SATB2: variants seen among roughly 807,000 people sequenced by gnomAD.
SATB2 encodes the protein DNA-binding protein SATB2.
Under a neutral mutation model 73.4 loss-of-function variants are expected in SATB2, and 1 was observed. That is an observed-to-expected ratio of 0.01 (90% CI 0.00 to 0.06). The LOEUF (loss-of-function observed/expected upper bound fraction) is 0.06. Among genes scored for constraint, SATB2 ranks in the 10% least tolerant of loss-of-function variants. The pLI, the probability that SATB2 is intolerant of heterozygous loss-of-function variation, is 1.00. For missense variants in SATB2, 459 were observed against 945.8 expected (o/e 0.49, Z 6.75); for synonymous variants, 397 against 367.0 (o/e 1.08, Z -0.93).
chr2:199,351,044 A>G (rs1475488886), intron 6 of SATB2, among the ~76,000 whole-genome samples: 2 of 151,638 alleles, frequency 1.3e-5, no homozygotes, highest in African/African-American at 2.4e-5. Flanking sequence ...AAAAAAAAAA[A>G]AAAAGAAAAC....
intron 7 of SATB2, 111 bp from the exon 8 acceptor site, chr2:199,329,021 T>G (rs1688113191): frequency 3.7e-6 from 3 of 803,702 alleles, no homozygotes. Flanking sequence ...CTCGCTGTGA[T>G]GTCAAGAACC....
At chr2:199,351,161 C>CTTTTT (rs781572792) in intron 6 of SATB2, among the ~76,000 whole-genome samples, 1 of 131,640 alleles carries the variant, frequency 7.6e-6, no homozygotes, top group African/African-American at 2.7e-5. Context: ...TGTTTGCTTG[C>CTTTTT]TTTTTTTTTT....
In SATB2 at chr2:199,271,081, T is replaced by C. The variant is rs1285809612; in HGVS notation, c.*1130A>G. 1 of 152,512 alleles carries C rather than the reference T, an allele frequency of 6.6e-6. No homozygotes were observed. Among genetic ancestry groups the C allele is most frequent in the Non-Finnish European group, 1.5e-5 (1 of 68,034 alleles). 9.4% of individuals were successfully genotyped at this position (152,512 alleles called of 1,614,324 possible). A position where few individuals can be genotyped will look rare whatever the true frequency, so the allele number is the denominator to read the frequency against. ...CTTCTTTTCTAACTTAATATTACAC[T>C]GAACTATTTTCTAGTAAAAAACAAA... On this transcript the variant is annotated 3_prime_UTR_variant, in exon 11 of 11. Coordinates refer to ENST00000417098, the MANE Select transcript of SATB2 (RefSeq NM_001172509.2).
chr2:199,458,753 C>A (rs1252490455), upstream of SATB2: 2 of 418,494 alleles, frequency 4.8e-6, no homozygotes, highest in Admixed American at 5.2e-5. Context: ...TCGCCTCCCC[C>A]ACCCACCGCC....
chr2:199,388,669 C>T (rs947490559), intron 3 of SATB2, among the ~76,000 whole-genome samples: 10 of 151,800 alleles, frequency 6.6e-5, no homozygotes, highest in Non-Finnish European at 1.3e-4. Flanking sequence ...GAAAACTCAA[C>T]CTGAGAAAAA....
At chr2:199,446,879 T>TGTCACCTCAGGAAG (rs1217553572) in intron 2 of SATB2, among the ~76,000 whole-genome samples, 2 of 152,224 alleles carry the variant, frequency 1.3e-5, no homozygotes, top group Non-Finnish European at 2.9e-5. Flanking sequence ...TCTTTCATTT[T>TGTCACCTCAGGAAG]GTCACCTCAG....
chr2:199,451,383 G>T (rs1473180103), intron 2 of SATB2, among the ~76,000 whole-genome samples: 8 of 150,542 alleles, frequency 5.3e-5, no homozygotes, highest in Admixed American at 5.3e-4. Context: ...AAACTACAGA[G>T]GACAGGCTAG....
At chr2:199,367,589 C>T (rs927220311) in intron 6 of SATB2, among the ~76,000 whole-genome samples, 4 of 152,124 alleles carry the variant, frequency 2.6e-5, no homozygotes, top group Non-Finnish European at 5.9e-5. Context: ...ACAAATTCAT[C>T]CTTTACTTTT....
chr2:199,298,086 A>T (rs563776245), intron 10 of SATB2, among the ~76,000 whole-genome samples: 1 of 152,320 alleles, frequency 6.6e-6, no homozygotes, highest in Admixed American at 6.5e-5. Flanking sequence ...ACCATCCTTG[A>T]TTCAATTCTG....
intron 3 of SATB2, among the ~76,000 whole-genome samples, chr2:199,395,668 T>C (rs1020163060): frequency 6.6e-6 from 1 of 152,208 alleles, no homozygotes; most frequent in Non-Finnish European, 1.5e-5. Context: ...ATCACATCTA[T>C]GTGACAGATA....
intron 2 of SATB2, among the ~76,000 whole-genome samples, chr2:199,437,867 A>G (rs2105934024): frequency 6.6e-6 from 1 of 152,326 alleles, no homozygotes; most frequent in African/African-American, 2.4e-5. Flanking sequence ...GCATTTCTTC[A>G]GAATAAAGAT....
At chr2:199,349,216 G>C (rs1688743287) in intron 6 of SATB2, 43 bp from the exon 7 acceptor site, 2 of 1,426,796 alleles carry the variant, frequency 1.4e-6, no homozygotes, top group Non-Finnish European at 1.9e-6. Flanking sequence ...ATTTTCATTG[G>C]TACAATTTAT....
At chr2:199,445,657 A>T (rs1006083067) in intron 2 of SATB2, among the ~76,000 whole-genome samples, 1 of 152,220 alleles carries the variant, frequency 6.6e-6, no homozygotes, top group African/African-American at 2.4e-5. Context: ...GAAAAAAGTC[A>T]GGATCACCTT....
Position 199,272,326 on chromosome 2 carries a change from G to C in SATB2, c.2087C>G (p.Thr696Ser). 1 of 1,614,142 alleles carries C rather than the reference G, an allele frequency of 6.2e-7. No homozygotes were observed. The highest frequency in any genetic ancestry group is 8.5e-7 in the Non-Finnish European group (1 of 1,180,026). ...CTCGCTGTCGTTCTCCTCTGACTCG[G>C]TCAGCAGCTCCTCGTCCTTATATTC... ...VAEYKDEELL[T>S]ESEENDSEEG... The change falls in exon 11 of 11, where the codon ACC (threonine) becomes AGC (serine). Residue 696 changes from threonine (T) to serine (S), a missense_variant. Thr to Ser is a moderately conservative substitution (Grantham distance 58). Transcript: ENST00000417098. This position sits in a 1 kb window ranked among gnomAD's most constrained non-coding sequence, Gnocchi z 6.7.
intron 9 of SATB2, 139 bp from the exon 10 acceptor site, chr2:199,309,096 G>C: frequency 1.3e-6 from 1 of 774,926 alleles, no homozygotes; most frequent in Non-Finnish European, 2.2e-6. Flanking sequence ...TAGTGAAACA[G>C]TCTGACTCTA....
chr2:199,410,377 G>A (rs959222116), intron 3 of SATB2, among the ~76,000 whole-genome samples: 3 of 152,136 alleles, frequency 2.0e-5, no homozygotes, highest in Admixed American at 6.5e-5. Context: ...ATTGTTCCTC[G>A]GGGAGAGTCT....
upstream of SATB2, among the ~76,000 whole-genome samples, chr2:199,462,763 C>G (rs1270968573): frequency 6.6e-6 from 1 of 152,090 alleles, no homozygotes; most frequent in Non-Finnish European, 1.5e-5. The surrounding 1 kb of genome is among the most constrained non-coding windows in gnomAD (Gnocchi z 5.9). Flanking sequence ...GCGGCCCGAG[C>G]AGAGAGATAC....
At chr2:199,315,680 A>T (rs931355800) in intron 9 of SATB2, among the ~76,000 whole-genome samples, 7 of 152,106 alleles carry the variant, frequency 4.6e-5, no homozygotes, top group Non-Finnish European at 7.3e-5. Flanking sequence ...ACAATATTTC[A>T]GAACAAATAC....
chr2:199,426,815 T>C (rs188403426), intron 3 of SATB2, among the ~76,000 whole-genome samples: 2 of 152,212 alleles, frequency 1.3e-5, no homozygotes, highest in African/African-American at 4.8e-5. Context: ...TGTCCATCTA[T>C]TTATTTATTT....
Sources: allele counts gnomAD v4.1 joint callset (sites outside exome capture counted in the v4.1 genomes callset), GRCh38; gene constraint gnomAD v4.1.1; non-coding constraint Gnocchi (gnomAD v3.1); transcripts MANE v1.5; gene names NCBI Gene and HGNC (gene_info 2026-07-23, HGNC 2026-07-21).